The following MAP2 variants were observed in gnomAD, a reference collection of about 807,000 sequenced individuals.
MAP2 encodes microtubule-associated protein 2.
Under a neutral mutation model 137.6 loss-of-function variants are expected in MAP2, and 14 were observed. That is an observed-to-expected ratio of 0.10 (90% CI 0.07 to 0.16). The LOEUF (loss-of-function observed/expected upper bound fraction) is 0.16. MAP2 is among the 10% of genes least tolerant of loss of function. MAP2 has a pLI of 1.00. For missense variants in MAP2, 2,088 were observed against 2,191.5 expected (o/e 0.95, Z 0.94); for synonymous variants, 786 against 782.3 (o/e 1.00, Z -0.08).
intron 5 of MAP2, among the ~76,000 whole-genome samples, chr2:209,676,311 A>T (rs1583134000): frequency 6.6e-6 from 1 of 151,920 alleles, no homozygotes; most frequent in Non-Finnish European, 1.5e-5. Context: ...GTTCTCAATT[A>T]TAAGTGGGAG....
At chr2:209,667,762 A>C (rs2046982298) in intron 5 of MAP2, among the ~76,000 whole-genome samples, 1 of 152,000 alleles carries the variant, frequency 6.6e-6, no homozygotes, top group East Asian at 1.9e-4. Context: ...TTCCAAATGA[A>C]GCTCTGTCTT....
At chr2:209,468,561 C>T (rs1269937260) in intron 1 of MAP2, among the ~76,000 whole-genome samples, 1 of 151,828 alleles carries the variant, frequency 6.6e-6, no homozygotes, top group Non-Finnish European at 1.5e-5. Flanking sequence ...ACCTCATCAT[C>T]CACCCGCCTC....
intron 2 of MAP2, among the ~76,000 whole-genome samples, chr2:209,554,541 A>G (rs1390553384): frequency 1.3e-5 from 2 of 152,082 alleles, no homozygotes; most frequent in African/African-American, 2.4e-5. Flanking sequence ...TAATCCTAGT[A>G]CTTTGGGAGG....
chr2:209,702,439 C>A (rs998405874), intron 11 of MAP2, among the ~76,000 whole-genome samples: 2 of 151,918 alleles, frequency 1.3e-5, no homozygotes, highest in Non-Finnish European at 2.9e-5. Context: ...GTATATCCAT[C>A]AGTACTGTTC....
At chr2:209,643,234 T>A (rs552373100) in intron 4 of MAP2, among the ~76,000 whole-genome samples, 64 of 152,322 alleles carry the variant, frequency 4.2e-4, no homozygotes, top group African/African-American at 1.4e-3. Flanking sequence ...CTTTATTGTT[T>A]CTCCTTTTGC....
At chr2:209,481,956 C>G (rs1015871024) in intron 1 of MAP2, among the ~76,000 whole-genome samples, 1 of 152,136 alleles carries the variant, frequency 6.6e-6, no homozygotes, top group Non-Finnish European at 1.5e-5. Flanking sequence ...CACGAGCATT[C>G]TCTTCATTTA....
At chr2:209,587,606 A>G (rs1384392057) in intron 3 of MAP2, among the ~76,000 whole-genome samples, 1 of 152,116 alleles carries the variant, frequency 6.6e-6, no homozygotes, top group Non-Finnish European at 1.5e-5. Context: ...TCTTTTAGCT[A>G]TGGGAACGTG....
At chr2:209,699,481 T>C (rs578253441) in intron 10 of MAP2, among the ~76,000 whole-genome samples, 1 of 152,214 alleles carries the variant, frequency 6.6e-6, no homozygotes, top group Non-Finnish European at 1.5e-5. Flanking sequence ...TTTTAAATCA[T>C]GAGAGCTAAG....
chr2:209,663,388 C>T (rs1012084939), intron 5 of MAP2, among the ~76,000 whole-genome samples: 1 of 152,108 alleles, frequency 6.6e-6, no homozygotes, highest in East Asian at 1.9e-4. Context: ...GACACTAAAC[C>T]GTGTCCTGCC....
At chr2:209,469,481 A>G (rs1022746876) in intron 1 of MAP2, among the ~76,000 whole-genome samples, 3 of 152,222 alleles carry the variant, frequency 2.0e-5, no homozygotes, top group Non-Finnish European at 2.9e-5. Flanking sequence ...GGCATACTCA[A>G]GTAAGTATAT....
At chr2:209,441,851 C>T (rs966484778) in intron 1 of MAP2, among the ~76,000 whole-genome samples, 1 of 151,504 alleles carries the variant, frequency 6.6e-6, no homozygotes. Context: ...GAAGTTACTA[C>T]ATTAGTACTA....
In MAP2 at chr2:209,696,663, G is replaced by A. The variant is rs759636189; in HGVS notation, c.4302G>A (p.Gly1434=). The change falls in exon 9 of 16, where the codon GGG becomes GGA. Residue 1434 remains glycine (G), a synonymous_variant. Coordinates refer to ENST00000682079, the MANE Select transcript of MAP2 (RefSeq NM_001375505.1). ...GAAAAGAAAAGCCTTTTAAAACCGGGAGAGGCAGAATTTCCACTCCTGAAA... is the reference window on the plus strand; with the variant it reads ...GAAAAGAAAAGCCTTTTAAAACCGGAAGAGGCAGAATTTCCACTCCTGAAA... ...KHRKEKPFKT[G]RGRISTPERK... The A allele has an allele frequency of 8.1e-6, 13 of 1,613,926 alleles. No individual in the cohort carries two copies. The highest frequency in any genetic ancestry group is 1.1e-5 in the Non-Finnish European group (13 of 1,179,936).
intron 1 of MAP2, among the ~76,000 whole-genome samples, chr2:209,493,528 T>C (rs1333120013): frequency 1.3e-5 from 2 of 152,110 alleles, no homozygotes; most frequent in Admixed American, 6.5e-5. Context: ...AAATTTTTGC[T>C]ATCTATCCAT....
intron 4 of MAP2, among the ~76,000 whole-genome samples, chr2:209,631,302 A>G (rs2093020491): frequency 1.3e-5 from 2 of 152,152 alleles, no homozygotes; most frequent in African/African-American, 4.8e-5. Context: ...ACTTAAACCA[A>G]CGTTTCAGTA....
intron 14 of MAP2, among the ~76,000 whole-genome samples, chr2:209,726,960 C>T (rs1368518574): frequency 6.6e-6 from 1 of 152,078 alleles, no homozygotes; most frequent in African/African-American, 2.4e-5. Context: ...GGTATAATAA[C>T]AATTGAGCTG....
chr2:209,449,587 A>C (rs904203904), intron 1 of MAP2, among the ~76,000 whole-genome samples: 1 of 152,150 alleles, frequency 6.6e-6, no homozygotes, highest in Non-Finnish European at 1.5e-5. Context: ...ATTGAAATTA[A>C]AAAGAGCAAA....
chr2:209,695,262 C>T lies in MAP2; in HGVS notation c.3092C>T (p.Ser1031Phe). The T allele has an allele frequency of 6.2e-7, 1 of 1,613,550 alleles. No homozygotes were observed. The highest frequency in any genetic ancestry group is 8.5e-7 in the Non-Finnish European group (1 of 1,179,866). The change falls in exon 8 of 16, where the codon TCC (serine) becomes TTC (phenylalanine). Residue 1031 changes from serine to phenylalanine, a missense_variant. This residue lies in a region of MAP2 where 500 missense variants were observed against 482.9 expected (regional missense o/e 1.04). Coordinates refer to ENST00000682079, the MANE Select transcript of MAP2 (RefSeq NM_001375505.1). Reference sequence around the variant, plus strand: ...CCAGAGATAGCTGAGGTAGAACCATCCAAAAAGGTGGAACAAGGTCTGGAT... The same window carrying T: ...CCAGAGATAGCTGAGGTAGAACCATTCAAAAAGGTGGAACAAGGTCTGGAT... Reference protein sequence around the residue: ...SVPEIAEVEPSKKVEQGLDFA... With the variant: ...SVPEIAEVEPFKKVEQGLDFA...
intron 3 of MAP2, among the ~76,000 whole-genome samples, chr2:209,587,353 C>T (rs2078026200): frequency 6.6e-6 from 1 of 152,104 alleles, no homozygotes; most frequent in African/African-American, 2.4e-5. Context: ...AGAAGATAGT[C>T]TCTGACTTCA....
chr2:209,460,015 C>A (rs1287479537), intron 1 of MAP2, among the ~76,000 whole-genome samples: 1 of 152,170 alleles, frequency 6.6e-6, no homozygotes, highest in African/African-American at 2.4e-5. Flanking sequence ...ATGAGTCCAA[C>A]CTCCTTTACA....
Sources: allele counts gnomAD v4.1 joint callset (sites outside exome capture counted in the v4.1 genomes callset), GRCh38; gene constraint gnomAD v4.1.1; regional missense constraint gnomAD v4.1.1; transcripts MANE v1.5; gene names NCBI Gene and HGNC (gene_info 2026-07-23, HGNC 2026-07-21).